MALRD1: variants seen among roughly 807,000 people sequenced by gnomAD.
The protein encoded by MALRD1 is MAM and LDL receptor class A domain containing 1.
MALRD1 carries 247 observed loss-of-function variants against 242.1 expected under a neutral mutation model. That is an observed-to-expected ratio of 1.02 (90% CI 0.92 to 1.13). MALRD1 has a LOEUF of 1.13. Among genes scored for constraint, MALRD1 ranks in the 50% most tolerant of loss-of-function variants. MALRD1 has a pLI of 0.00. For missense variants in MALRD1, 2,989 were observed against 2,533.1 expected (o/e 1.18, Z -3.86); for synonymous variants, 995 against 866.6 (o/e 1.15, Z -2.60).
rs536284431 is a variant in MALRD1 at position 19,305,689 on chromosome 10, T to C, written c.3420-18260T>C. On this transcript the variant is annotated intron_variant, in intron 21 of 39. Coordinates refer to ENST00000454679, the MANE Select transcript of MALRD1 (RefSeq NM_001142308.3). ...CCTACTTCTTAAAGTAACTTAATCC[T>C]GATATTATCTGTCCTCAGCATACTG... 6.0e-5 allele frequency among the ~76,000 whole-genome samples: 9 copies of C among 149,592 alleles called. No homozygotes were observed. In the East Asian group the frequency reaches 1.4e-3, roughly 23 times the overall value.
chr10:19,109,604 CA>C (rs1435783077), intron 5 of MALRD1, among the ~76,000 whole-genome samples: 1 of 152,236 alleles, frequency 6.6e-6, no homozygotes, highest in Non-Finnish European at 1.5e-5. Context: ...GCAATTTATT[CA>C]CAGAAGTAGA....
chr10:19,633,840 C>CTTTTTTTTTTTTTTTTTTTT (rs1041174965), intron 36 of MALRD1: 1 of 126,542 alleles, frequency 7.9e-6, no homozygotes, highest in Non-Finnish European at 1.6e-5. Flanking sequence ...TCTTTTCTTT[C>CTTTTTTTTTTTTTTTTTTTT]TTTTTTTTTT....
intron 4 of MALRD1, among the ~76,000 whole-genome samples, chr10:19,098,768 G>T (rs1836138072): frequency 6.6e-6 from 1 of 152,180 alleles, no homozygotes; most frequent in Admixed American, 6.5e-5. Flanking sequence ...GTGAGGTTAA[G>T]AATGGAGGTT....
At chr10:19,587,534 T>A (rs1289420896) in intron 33 of MALRD1, among the ~76,000 whole-genome samples, 1 of 152,262 alleles carries the variant, frequency 6.6e-6, no homozygotes, top group African/African-American at 2.4e-5. Context: ...TTTATGGAAC[T>A]TGTATGAAAT....
chr10:19,465,631 A>G (rs1048612471), intron 29 of MALRD1, among the ~76,000 whole-genome samples: 1 of 152,168 alleles, frequency 6.6e-6, no homozygotes, highest in Non-Finnish European at 1.5e-5. Flanking sequence ...CACAGGCTCC[A>G]GCAATCCTCC....
chr10:19,413,632 T>G (rs900484174), intron 28 of MALRD1, among the ~76,000 whole-genome samples: 5 of 152,132 alleles, frequency 3.3e-5, no homozygotes, highest in African/African-American at 9.7e-5. Context: ...TACCAGATTA[T>G]TATTCTCTAG....
At chr10:19,190,200 C>T (rs1006900468) in intron 14 of MALRD1, among the ~76,000 whole-genome samples, 1 of 151,918 alleles carries the variant, frequency 6.6e-6, no homozygotes, top group Non-Finnish European at 1.5e-5. Flanking sequence ...ACCCAATTCT[C>T]TTGCAATAAC....
intron 28 of MALRD1, among the ~76,000 whole-genome samples, chr10:19,402,535 A>G (rs374667111): frequency 9.9e-5 from 15 of 152,270 alleles, no homozygotes; most frequent in African/African-American, 3.6e-4. Flanking sequence ...CTCCCCAGCC[A>G]TGTGGAACTG....
chr10:19,322,813 T>G (rs1262413817), intron 21 of MALRD1, among the ~76,000 whole-genome samples: 3 of 152,160 alleles, frequency 2.0e-5, no homozygotes, highest in Non-Finnish European at 4.4e-5. Flanking sequence ...TAAAATAGCT[T>G]TAATAAGAAG....
At chr10:19,635,390 T>A (rs910575651) in intron 36 of MALRD1, among the ~76,000 whole-genome samples, 7 of 151,842 alleles carry the variant, frequency 4.6e-5, no homozygotes, top group Admixed American at 1.3e-4. Context: ...ATATAGTTCA[T>A]AAGAAACAAA....
intron 25 of MALRD1, among the ~76,000 whole-genome samples, chr10:19,350,157 C>A (rs190018251): frequency 6.6e-6 from 1 of 151,784 alleles, no homozygotes; most frequent in East Asian, 1.9e-4. Flanking sequence ...TGTGGAATAC[C>A]TTTCAAGCAG....
chr10:19,714,524 G>A (rs1834291304), intron 38 of MALRD1, among the ~76,000 whole-genome samples: 2 of 152,122 alleles, frequency 1.3e-5, no homozygotes, highest in Non-Finnish European at 2.9e-5. Flanking sequence ...AGGATGGTCT[G>A]GGAAATGCAA....
At chr10:19,470,470 T>C (rs757381114) in intron 29 of MALRD1, among the ~76,000 whole-genome samples, 7 of 152,016 alleles carry the variant, frequency 4.6e-5, no homozygotes, top group Non-Finnish European at 1.0e-4. Flanking sequence ...AGTAGAATTG[T>C]CAGTTTATTA....
chr10:19,141,223 C>T (rs1833529173), intron 10 of MALRD1, among the ~76,000 whole-genome samples: 1 of 152,174 alleles, frequency 6.6e-6, no homozygotes, highest in South Asian at 2.1e-4. Flanking sequence ...ATCTAATTTT[C>T]AGACACACGC....
chr10:19,330,735 T>C (rs1843325224), intron 23 of MALRD1, among the ~76,000 whole-genome samples: 2 of 152,198 alleles, frequency 1.3e-5, no homozygotes, highest in East Asian at 3.9e-4. Flanking sequence ...TTCTTCCTGA[T>C]TCTACTGAAG....
intron 31 of MALRD1, among the ~76,000 whole-genome samples, chr10:19,513,792 C>G (rs1833513435): frequency 6.6e-6 from 1 of 151,956 alleles, no homozygotes; most frequent in South Asian, 2.1e-4. Context: ...TATAGCAATG[C>G]AGAATTAACT....
chr10:19,663,371 G>T (rs1410022952), intron 36 of MALRD1, among the ~76,000 whole-genome samples: 3 of 152,048 alleles, frequency 2.0e-5, no homozygotes, highest in African/African-American at 4.8e-5. Flanking sequence ...TTTTCTTATG[G>T]ATGAGTAGTA....
At chr10:19,659,784 G>A (rs1164187667) in intron 36 of MALRD1, among the ~76,000 whole-genome samples, 2 of 152,012 alleles carry the variant, frequency 1.3e-5, no homozygotes, top group Non-Finnish European at 2.9e-5. Flanking sequence ...ATTTCTTCCT[G>A]GGTAATTTGA....
intron 28 of MALRD1, among the ~76,000 whole-genome samples, chr10:19,415,273 A>G (rs1833470759): frequency 6.6e-6 from 1 of 152,180 alleles, no homozygotes; most frequent in Non-Finnish European, 1.5e-5. Context: ...TTGGGCGTTG[A>G]CCATACCTTA....
Sources: allele counts gnomAD v4.1 joint callset (sites outside exome capture counted in the v4.1 genomes callset), GRCh38; gene constraint gnomAD v4.1.1; transcripts MANE v1.5; gene names NCBI Gene and HGNC (gene_info 2026-07-23, HGNC 2026-07-21).